Variants in SVIL observed in about 807,000 individuals in gnomAD.
The protein encoded by SVIL is archvillin.
A neutral mutation model predicts 240.4 loss-of-function variants in SVIL; 101 were observed. That is an observed-to-expected ratio of 0.42 (90% confidence interval 0.36 to 0.50). The LOEUF is 0.50. Ranked by LOEUF, SVIL falls within the 20% of genes least tolerant of loss-of-function variation. The pLI is 0.01. For missense variants in SVIL, 2,512 were observed against 2,818.7 expected (o/e 0.89, Z 2.46); for synonymous variants, 999 against 1,100.0 (o/e 0.91, Z 1.82).
At chr10:29,702,953 T>C (rs914551251) in intron 1 of SVIL, among the ~76,000 whole-genome samples, 2 of 152,122 alleles carry the variant, frequency 1.3e-5, no homozygotes, top group Non-Finnish European at 2.9e-5. Flanking sequence ...CTCACAAATA[T>C]TCGTTAAATG....
At chr10:29,464,226 C>T (rs1156370906) in intron 34 of SVIL, among the ~76,000 whole-genome samples, 6 of 152,040 alleles carry the variant, frequency 3.9e-5, no homozygotes, top group South Asian at 2.1e-4. Context: ...TGCTTGAGCC[C>T]GGAGGTTGAA....
Position 29,458,330 on chromosome 10 carries a change from C to T in SVIL, c.6562G>A (p.Ala2188Thr). The T allele has an allele frequency of 6.2e-7, 1 of 1,614,214 alleles. No homozygotes were observed. The highest frequency in any genetic ancestry group is 8.5e-7 in the Non-Finnish European group (1 of 1,180,038). ...TATTCATCCCTCGTCATGTCTAGTG[C>T]AAACTGGAAACATTGGGAGAAGCGC... ...IYLTDEDFEF[A>T]LDMTRDEYNA... The change falls in exon 38 of 38, where the codon GCA (alanine) becomes ACA (threonine). Residue 2188 changes from alanine (A) to threonine (T), a missense_variant. Ala to Thr is a moderately conservative substitution (Grantham distance 58, BLOSUM62 0). Transcript: ENST00000355867.
chr10:29,664,635 A>T (rs937544992), intron 2 of SVIL, among the ~76,000 whole-genome samples: 1 of 152,198 alleles, frequency 6.6e-6, no homozygotes, highest in Non-Finnish European at 1.5e-5. Context: ...CAACAAAACC[A>T]TCTACCCATT....
At chr10:29,550,558 T>C in intron 6 of SVIL, 39 bp downstream of exon 6, 1 of 1,531,156 alleles carries the variant, frequency 6.5e-7, no homozygotes, top group Non-Finnish European at 8.8e-7. Flanking sequence ...GAAGGTATTG[T>C]CCTGCGTTCA....
intron 2 of SVIL, among the ~76,000 whole-genome samples, chr10:29,567,782 C>T (rs10826660): frequency 0.3 from 46,110 of 151,826 alleles, 7,317 homozygotes; most frequent in African/African-American, 0.39. Context: ...TTTGGGAGGC[C>T]GAGGTGGGTG....
chr10:29,469,718 C>T (rs1257898773), intron 32 of SVIL, among the ~76,000 whole-genome samples: 5 of 152,304 alleles, frequency 3.3e-5, no homozygotes, highest in East Asian at 1.9e-4. Context: ...AAGTGGCCAA[C>T]GGCAGGTGCC....
At chr10:29,640,440 C>T (rs944911037) in intron 3 of SVIL, among the ~76,000 whole-genome samples, 1 of 152,190 alleles carries the variant, frequency 6.6e-6, no homozygotes, top group Non-Finnish European at 1.5e-5. Flanking sequence ...GACTCCGAGC[C>T]TGCTGGTATC....
rs1341401601 is a variant in SVIL, at chr10:29,487,197, A to G, written c.4451T>C (p.Val1484Ala). 2 of 1,613,844 alleles carry G rather than the reference A, an allele frequency of 1.2e-6. No homozygotes were observed. The highest frequency in any genetic ancestry group is 1.7e-6 in the Non-Finnish European group (2 of 1,179,954). Residue 1484 changes from valine to alanine, a missense_variant, in exon 24 of 38, where the codon GTA (valine) becomes GCA (alanine). By Grantham distance (64) the Val-to-Ala change is moderately conservative (BLOSUM62 0). Transcript: ENST00000355867. ...TTCTATGACGTTTGCAAACTCTCCT[A>G]CCCACAGGAAGCAGCAGTGGGGAGA... ...LLSPHCCFLW[V>A]GEFANVIEKA...
rs768578022 is a variant in SVIL, at chr10:29,551,040, G to T, written c.384C>A (p.Ala128=). ...EKYGLTLDPE[A]DSEYLSRYTK... is the part of the protein sequence containing the mutation. The stretch of plus-strand genomic sequence containing the variant: ...TATAGCGGGATAAATACTCGGAGTC[G>T]GCCTCGGGATCCAGAGTCAGCCCAT... The change falls in exon 6 of 38, where the codon GCC becomes GCA. Residue 128 remains alanine (A), a synonymous_variant. Coordinates refer to ENST00000355867, the MANE Select transcript of SVIL (RefSeq NM_021738.3). The T allele has an allele frequency of 1.2e-6, 2 of 1,614,088 alleles. No individual in the cohort carries two copies. Among genetic ancestry groups the T allele is most frequent in the Non-Finnish European group, 1.7e-6 (2 of 1,180,030 alleles).
At chr10:29,539,570 C>T (rs996851367) in intron 6 of SVIL, among the ~76,000 whole-genome samples, 2 of 152,112 alleles carry the variant, frequency 1.3e-5, no homozygotes, top group Non-Finnish European at 2.9e-5. Flanking sequence ...AATCAGACAC[C>T]AACAGTGAAC....
chr10:29,500,867 C>A lies in SVIL; in HGVS notation c.3517-1604G>T, dbSNP rs569597494. Among the ~76,000 whole-genome samples, 3 of 152,218 alleles carry A rather than the reference C, an allele frequency of 2.0e-5. No homozygotes were observed. The East Asian group carries it at 5.8e-4, about 29-fold the overall frequency. On this transcript the variant is annotated intron_variant, in intron 17 of 37. Coordinates refer to ENST00000355867, the MANE Select transcript of SVIL (RefSeq NM_021738.3). ...CCCTTCACTGACCCACGAGAGAGAA[C>A]TTCCTGATTCAGGAGGGACAGGAAG...
intron 1 of SVIL, among the ~76,000 whole-genome samples, chr10:29,592,918 C>A (rs1956445720): frequency 6.6e-6 from 1 of 152,158 alleles, no homozygotes; most frequent in Admixed American, 6.5e-5. Flanking sequence ...GGTTGAATTT[C>A]AACTCACTTT....
chr10:29,484,133 G>A lies in SVIL; in HGVS notation c.4955+523C>T, dbSNP rs888666956. 6.6e-6 allele frequency among the ~76,000 whole-genome samples: 1 copy of A among 152,140 alleles called. No individual in the cohort carries two copies. Among genetic ancestry groups the A allele is most frequent in the African/African-American group, 2.4e-5 (1 of 41,446 alleles). The stretch of plus-strand genomic sequence containing the variant: ...AGTACATGCAGGGAATATTACAATT[G>A]CAATCATTATTTTAACACCATCTCC... On this transcript the variant is annotated intron_variant, in intron 27 of 37. Coordinates refer to ENST00000355867, the MANE Select transcript of SVIL (RefSeq NM_021738.3). This position sits in a 1 kb window ranked among gnomAD's most constrained non-coding sequence, Gnocchi z 4.7.
intron 28 of SVIL, among the ~76,000 whole-genome samples, chr10:29,481,260 A>G (rs1307035617): frequency 6.6e-6 from 1 of 151,650 alleles, no homozygotes; most frequent in Non-Finnish European, 1.5e-5. Context: ...ATGTGTTGAT[A>G]CATGCATCTG....
chr10:29,694,318 T>C (rs1017597860), intron 1 of SVIL, among the ~76,000 whole-genome samples: 4 of 151,726 alleles, frequency 2.6e-5, no homozygotes, highest in African/African-American at 9.7e-5. Context: ...GGAGGATCAC[T>C]TGAGCCCAGG....
chr10:29,531,260 C>G lies in SVIL; in HGVS notation c.2038G>C (p.Val680Leu). ...AAGGGAAACAGGTACTTGCCATCGA[C>G]AGTTGGCGTTTCTGAATGTGAAGTG... ...RCTSHSETPT[V>L]DDEEKVDERA... The change falls in exon 10 of 38, where the codon GTC becomes CTC. Residue 680 changes from valine (V) to leucine (L), a missense_variant. By Grantham distance (32) the Val-to-Leu change is conservative (BLOSUM62 1). Coordinates refer to ENST00000355867, the MANE Select transcript of SVIL (RefSeq NM_021738.3). 6.2e-7 allele frequency: 1 copy of G among 1,613,936 alleles called. No individual in the cohort carries two copies. The highest frequency in any genetic ancestry group is 8.5e-7 in the Non-Finnish European group (1 of 1,179,956).
chr10:29,517,398 G>C (rs1341194751), intron 16 of SVIL, among the ~76,000 whole-genome samples: 2 of 152,128 alleles, frequency 1.3e-5, no homozygotes, highest in Non-Finnish European at 2.9e-5. Flanking sequence ...CTGCACTCCA[G>C]CCTGGACAAC....
At chr10:29,529,996 C>A (rs1383651712) in intron 11 of SVIL, 152 bp from the exon 12 acceptor site, 3 of 735,806 alleles carry the variant, frequency 4.1e-6, no homozygotes, top group Admixed American at 7.0e-5. Flanking sequence ...CAAAGTGAGA[C>A]CCCCTCATCT....
At chr10:29,596,449 G>A (rs1211876428) in intron 1 of SVIL, among the ~76,000 whole-genome samples, 1 of 152,142 alleles carries the variant, frequency 6.6e-6, no homozygotes, top group Non-Finnish European at 1.5e-5. Context: ...CTCCAGCTTG[G>A]GCAACAGAGC....
Sources: allele counts gnomAD v4.1 joint callset (sites outside exome capture counted in the v4.1 genomes callset), GRCh38; gene constraint gnomAD v4.1.1; non-coding constraint Gnocchi (gnomAD v3.1); transcripts MANE v1.5; gene names NCBI Gene and HGNC (gene_info 2026-07-23, HGNC 2026-07-21).